The following KDM4C variants were observed in gnomAD, a reference collection of about 807,000 sequenced individuals.
KDM4C encodes the protein lysine-specific demethylase 4C.
In KDM4C, 81 loss-of-function variants were observed where a neutral mutation model predicts 129.3. That is an observed-to-expected ratio of 0.63 (90% confidence interval 0.52 to 0.75). KDM4C has a LOEUF of 0.75. KDM4C is among the 30% of genes least tolerant of loss of function. The pLI is 0.00. For missense variants in KDM4C, 1,457 were observed against 1,304.0 expected, an observed-to-expected ratio of 1.12 and a Z score of -1.81; for synonymous variants, 573 against 456.1, an observed-to-expected ratio of 1.26 and a Z score of -3.26.
At chr9:7,095,257 G>A (rs1836286243) in intron 17 of KDM4C, among the ~76,000 whole-genome samples, 2 of 152,206 alleles carry the variant, frequency 1.3e-5, no homozygotes, top group African/African-American at 4.8e-5. Context: ...ACAGAGATTT[G>A]AGGAACTATA....
intron 8 of KDM4C, among the ~76,000 whole-genome samples, chr9:6,960,646 A>G (rs1468747754): frequency 6.6e-6 from 1 of 152,218 alleles, no homozygotes; most frequent in Non-Finnish European, 1.5e-5. Flanking sequence ...AAGATGGTTT[A>G]AAGATGATTT....
chr9:6,754,655 A>G (rs745474143), upstream of KDM4C, among the ~76,000 whole-genome samples: 2 of 151,986 alleles, frequency 1.3e-5, no homozygotes, highest in Non-Finnish European at 2.9e-5. Context: ...CGGGAGGATC[A>G]TTTGAGCCCA....
intron 19 of KDM4C, among the ~76,000 whole-genome samples, chr9:7,164,300 G>GAACAAATGTTTGAACATATTAACAAATTA (rs1453805822): frequency 9.9e-5 from 15 of 150,894 alleles, no homozygotes; most frequent in Non-Finnish European, 2.1e-4. Context: ...AACTATGTCT[G>GAACAAATGTTTGAACATATTAACAAATTA]AACAAATGTT....
chr9:7,081,362 AT>A (rs1383757049), intron 17 of KDM4C, among the ~76,000 whole-genome samples: 20 of 152,296 alleles, frequency 1.3e-4, no homozygotes, highest in African/African-American at 4.6e-4. Flanking sequence ...CAATTTCCTA[AT>A]TTTATGATTT....
intron 8 of KDM4C, among the ~76,000 whole-genome samples, chr9:6,952,903 C>T (rs947742630): frequency 6.6e-6 from 1 of 152,126 alleles, no homozygotes; most frequent in Non-Finnish European, 1.5e-5. Flanking sequence ...GTACAGTGAG[C>T]ACGGTTTGCA....
In KDM4C at chr9:6,732,225, C is replaced by T. The variant is rs548601692; in HGVS notation, c.49+11228C>T. 1.4e-4 allele frequency among the ~76,000 whole-genome samples: 21 copies of T among 150,942 alleles called. No individual in the cohort carries two copies. The East Asian group carries it at 3.9e-3, about 28-fold the overall frequency. The stretch of plus-strand genomic sequence containing the variant: ...ACTAAAAATACAAAAATTAGCCGGG[C>T]GTGGTGGTGGGCGCCTGTAGTCCCA... On this transcript the variant is annotated intron_variant, in intron 1 of 17. Coordinates refer to the KDM4C transcript ENST00000536108.
intron 8 of KDM4C, among the ~76,000 whole-genome samples, chr9:6,914,984 CT>C (rs1278619745): frequency 6.6e-6 from 1 of 152,170 alleles, no homozygotes; most frequent in Non-Finnish European, 1.5e-5. Flanking sequence ...TGCTGTCTAC[CT>C]ATCTTTCTCT....
intron 4 of KDM4C, among the ~76,000 whole-genome samples, chr9:6,817,954 A>T (rs528610313): frequency 4.1e-4 from 63 of 151,918 alleles, no homozygotes; most frequent in Admixed American, 1.4e-3. Context: ...TTTAGTAGAG[A>T]CGGGGTTTCA....
intron 8 of KDM4C, among the ~76,000 whole-genome samples, chr9:6,972,259 A>T (rs937806770): frequency 6.6e-6 from 1 of 151,872 alleles, no homozygotes; most frequent in East Asian, 1.9e-4. Context: ...GTGTGTGTAT[A>T]TATATATACA....
At chr9:7,143,999 G>A (rs1253851475) in intron 19 of KDM4C, among the ~76,000 whole-genome samples, 2 of 152,144 alleles carry the variant, frequency 1.3e-5, no homozygotes, top group Admixed American at 1.3e-4. Context: ...TTCTAGAATG[G>A]CATTGCTCAC....
At chr9:6,792,363 TTTTA>T (rs1826836055) in intron 1 of KDM4C, among the ~76,000 whole-genome samples, 1 of 151,458 alleles carries the variant, frequency 6.6e-6, no homozygotes, top group Non-Finnish European at 1.5e-5. Context: ...TTTATTTATT[TTTTA>T]TTTATTTATT....
At chr9:7,158,574 A>G (rs1209647111) in intron 19 of KDM4C, among the ~76,000 whole-genome samples, 1 of 152,154 alleles carries the variant, frequency 6.6e-6, no homozygotes, top group Non-Finnish European at 1.5e-5. Flanking sequence ...GAACATCTTT[A>G]TGTCTGCCTT....
At chr9:6,835,439 T>C (rs1206214793) in intron 4 of KDM4C, 37 of 1,182,354 alleles carry the variant, frequency 3.1e-5, no homozygotes, top group Admixed American at 1.7e-5. Context: ...ATCAAGATCA[T>C]TGCTCCTCCT....
intron 2 of KDM4C, among the ~76,000 whole-genome samples, chr9:6,798,802 C>T (rs1355234630): frequency 1.7e-4 from 26 of 152,278 alleles, no homozygotes; most frequent in African/African-American, 5.5e-4. Context: ...CTCCTCACTT[C>T]CCCGTAGGGG....
intron 15 of KDM4C, among the ~76,000 whole-genome samples, chr9:7,022,322 AT>A (rs1825011662): frequency 6.6e-6 from 1 of 151,934 alleles, no homozygotes; most frequent in African/African-American, 2.4e-5. Context: ...TTCCTCTTCA[AT>A]TTTTTGCATC....
chr9:6,986,554 G>A lies in KDM4C; in HGVS notation c.1565G>A (p.Gly522Asp), dbSNP rs780120348. 1.2e-6 allele frequency: 2 copies of A among 1,614,138 alleles called. No homozygotes were observed. The highest frequency in any genetic ancestry group is 2.7e-5 in the African/African-American group (2 of 75,030). Residue 522 changes from glycine (G) to aspartate (D), a missense_variant, in exon 11 of 22, where the codon GGT becomes GAT. Gly to Asp is a moderately conservative substitution (Grantham distance 94, BLOSUM62 -1). Transcript: ENST00000381309. ...ESCSSVAESN[G>D]VLTEGEESDV... ...TGCTCATCAGTGGCAGAGAGTAATG[G>A]TGTGTTAACAGAGGGAGAAGAGAGT...
intron 19 of KDM4C, among the ~76,000 whole-genome samples, chr9:7,158,116 C>T (rs1457006040): frequency 1.3e-5 from 2 of 152,084 alleles, no homozygotes; most frequent in African/African-American, 4.8e-5. Flanking sequence ...TTATCCATTT[C>T]TTCTAGATTT....
rs370422417 is a variant in KDM4C at position 6,886,423 on chromosome 9, A to T, written c.680-1537A>T. Among the ~76,000 whole-genome samples the T allele has an allele frequency of 4.0e-5, 6 of 148,782 alleles. No individual in the cohort carries two copies. The East Asian group carries it at 7.9e-4, about 20-fold the overall frequency. ...TGCCTCCTGGGTTCAAGTGAATCTC[A>T]TGCCTTAGCCTCCTGAGCAGCTAGG... On this transcript the variant is annotated intron_variant, in intron 6 of 21. Coordinates refer to ENST00000381309, the MANE Select transcript of KDM4C (RefSeq NM_015061.6).
At chr9:7,141,944 A>T (rs1841785803) in intron 19 of KDM4C, among the ~76,000 whole-genome samples, 1 of 152,186 alleles carries the variant, frequency 6.6e-6, no homozygotes, top group South Asian at 2.1e-4. Flanking sequence ...TCACACACAC[A>T]TAAACCCCAT....
Sources: gnomAD v4.1 joint callset for allele counts (sites outside exome capture counted in the v4.1 genomes callset) on GRCh38, gnomAD v4.1.1 for gene constraint, MANE v1.5 for transcripts, NCBI Gene and HGNC (gene_info 2026-07-23, HGNC 2026-07-21) for gene names.